Variants in GRM8 observed in about 807,000 individuals in gnomAD.
GRM8 encodes glutamate metabotropic receptor 8, also known as metabotropic glutamate receptor 8.
GRM8 carries 47 observed loss-of-function variants against 87.2 expected under a neutral mutation model. The ratio of observed to expected loss-of-function variants is 0.54; its 90% CI spans 0.43 to 0.69. The LOEUF (loss-of-function observed/expected upper bound fraction) is 0.69. GRM8 is among the 30% of genes least tolerant of loss of function. The probability of loss-of-function intolerance (pLI) is 0.00; values close to 1 mark genes in which losing one functional copy is unlikely to be tolerated. For synonymous variants in GRM8, 396 were observed against 404.5 expected (o/e 0.98, Z 0.25); for missense variants, 1,019 against 1,139.2 (o/e 0.89, Z 1.52).
At chr7:127,136,604 C>A (rs958287702) in intron 2 of GRM8, among the ~76,000 whole-genome samples, 4 of 151,712 alleles carry the variant, frequency 2.6e-5, no homozygotes, top group African/African-American at 9.7e-5. Flanking sequence ...ATCCTGGTAC[C>A]GAAGCTCAGC....
At chr7:126,764,693 A>C (rs1818001324) in intron 7 of GRM8, among the ~76,000 whole-genome samples, 1 of 152,080 alleles carries the variant, frequency 6.6e-6, no homozygotes, top group Non-Finnish European at 1.5e-5. Flanking sequence ...TGAGCACTGA[A>C]ATATTTAGAT....
At chr7:126,970,638 T>C (rs1810328467) in intron 3 of GRM8, among the ~76,000 whole-genome samples, 1 of 152,196 alleles carries the variant, frequency 6.6e-6, no homozygotes, top group South Asian at 2.1e-4. Context: ...ATTCATGTGT[T>C]CACTGGAGTA....
intron 3 of GRM8, among the ~76,000 whole-genome samples, chr7:126,933,223 A>C (rs977892527): frequency 2.0e-5 from 3 of 152,216 alleles, no homozygotes; most frequent in Non-Finnish European, 4.4e-5. Flanking sequence ...CTCCTCCAGA[A>C]AATATTTTTA....
chr7:126,446,067 G>A (rs752747950), intron 10 of GRM8, 59 bp downstream of exon 10: 61 of 1,597,760 alleles, frequency 3.8e-5, no homozygotes, highest in Non-Finnish European at 5.0e-5. Context: ...AATGTTCAAC[G>A]TACATCTATT....
chr7:127,034,925 G>GA (rs921730042), intron 3 of GRM8, among the ~76,000 whole-genome samples: 2 of 151,828 alleles, frequency 1.3e-5, no homozygotes, highest in African/African-American at 2.4e-5. Flanking sequence ...GGGTGGGCAT[G>GA]AAAAAAAATA....
intron 3 of GRM8, among the ~76,000 whole-genome samples, chr7:126,985,431 T>C (rs1162917166): frequency 2.6e-5 from 4 of 152,248 alleles, no homozygotes; most frequent in Non-Finnish European, 4.4e-5. Flanking sequence ...TGTTTTTCTC[T>C]TATGTATTTT....
intron 3 of GRM8, among the ~76,000 whole-genome samples, chr7:126,943,687 C>G (rs779589737): frequency 6.6e-6 from 1 of 152,154 alleles, no homozygotes; most frequent in Admixed American, 6.5e-5. Context: ...CTCTCATTGA[C>G]GCCGTGTATG....
chr7:127,024,888 C>A (rs1816627088), intron 3 of GRM8, among the ~76,000 whole-genome samples: 1 of 152,090 alleles, frequency 6.6e-6, no homozygotes, highest in Non-Finnish European at 1.5e-5. Flanking sequence ...CACTCCACTG[C>A]CCTGCCCTTC....
At chr7:127,074,918 AG>A (rs1328114783) in intron 3 of GRM8, among the ~76,000 whole-genome samples, 1 of 152,212 alleles carries the variant, frequency 6.6e-6, no homozygotes, top group Non-Finnish European at 1.5e-5. Context: ...GATGCTCCTC[AG>A]GTGTTCATGA....
At chr7:126,570,329 A>G (rs1419496) in intron 8 of GRM8, among the ~76,000 whole-genome samples, 110,838 of 152,086 alleles carry the variant, frequency 0.73, 41,271 homozygotes, top group East Asian at 0.94. Context: ...ATCCTTGCAT[A>G]AGTGAGCATG....
At chr7:126,485,690 A>C (rs1807273687) in intron 9 of GRM8, among the ~76,000 whole-genome samples, 1 of 152,022 alleles carries the variant, frequency 6.6e-6, no homozygotes, top group Admixed American at 6.6e-5. Context: ...CCTCTGCCAA[A>C]TTAGCAGTTG....
At chr7:126,526,383 ATT>A (rs1186000513) in intron 9 of GRM8, among the ~76,000 whole-genome samples, 165 of 152,310 alleles carry the variant, frequency 1.1e-3, no homozygotes, top group African/African-American at 3.8e-3. Flanking sequence ...TTTCAATCAT[ATT>A]CAGAAAGTTC....
intron 7 of GRM8, among the ~76,000 whole-genome samples, chr7:126,637,913 G>A (rs773208079): frequency 5.3e-5 from 8 of 151,840 alleles, no homozygotes; most frequent in Non-Finnish European, 5.9e-5. Flanking sequence ...AAATATATAC[G>A]AGATCACCTG....
At chr7:126,790,013 CT>C (rs566817323) in intron 6 of GRM8, among the ~76,000 whole-genome samples, 150 of 145,794 alleles carry the variant, frequency 1.0e-3, no homozygotes, top group Non-Finnish European at 9.6e-4. Context: ...TTCTCTCTCT[CT>C]TTTTTTTTTT....
intron 3 of GRM8, among the ~76,000 whole-genome samples, chr7:126,937,775 G>C (rs904435550): frequency 6.6e-6 from 1 of 152,118 alleles, no homozygotes; most frequent in African/African-American, 2.4e-5. Flanking sequence ...TTGTCCTTTA[G>C]TGCCGGGGTC....
intron 3 of GRM8, among the ~76,000 whole-genome samples, chr7:126,930,511 T>G (rs1039320716): frequency 5.9e-5 from 9 of 152,198 alleles, no homozygotes; most frequent in African/African-American, 2.2e-4. Context: ...GAATGTCAGA[T>G]GAGGTCTCAG....
intron 9 of GRM8, among the ~76,000 whole-genome samples, chr7:126,469,343 T>C (rs899577747): frequency 5.9e-5 from 9 of 152,174 alleles, no homozygotes; most frequent in Non-Finnish European, 1.0e-4. Context: ...CCTACTCCAA[T>C]TAGGCTTTCC....
intron 2 of GRM8, among the ~76,000 whole-genome samples, chr7:127,122,597 T>G (rs1307114914): frequency 6.6e-6 from 1 of 152,120 alleles, no homozygotes; most frequent in Non-Finnish European, 1.5e-5. Flanking sequence ...CTTTAATTTT[T>G]TTTTAATTCT....
chr7:127,037,199 C>G (rs1817927357), intron 3 of GRM8, among the ~76,000 whole-genome samples: 1 of 152,108 alleles, frequency 6.6e-6, no homozygotes, highest in Admixed American at 6.6e-5. Context: ...GATCTTCTCA[C>G]TAGGAAAAAA....
Sources: gnomAD v4.1 joint callset for allele counts (sites outside exome capture counted in the v4.1 genomes callset) on GRCh38, gnomAD v4.1.1 for gene constraint, MANE v1.5 for transcripts, NCBI Gene and HGNC (gene_info 2026-07-23, HGNC 2026-07-21) for gene names.